The following BIK variants were observed in gnomAD, a reference collection of about 807,000 sequenced individuals.
The protein encoded by BIK is BCL2 interacting killer.
In BIK, 14 loss-of-function variants were observed where a neutral mutation model predicts 12.1. The observed-to-expected ratio is 1.16, with a 90% CI of 0.77 to 1.81. The LOEUF is 1.81. Among genes scored for constraint, BIK ranks in the 40% most tolerant of loss-of-function variants. BIK has a pLI of 0.00. For missense variants in BIK, 215 were observed against 207.9 expected, an observed-to-expected ratio of 1.03 and a Z score of -0.21; for synonymous variants, 86 against 92.3, an observed-to-expected ratio of 0.93 and a Z score of 0.39.
At chr22:43,124,955 T>C (rs189180835) in intron 2 of BIK, among the ~76,000 whole-genome samples, 3 of 152,336 alleles carry the variant, frequency 2.0e-5, no homozygotes, top group South Asian at 2.1e-4. Flanking sequence ...AATATACTTA[T>C]AGTTATTTCC....
At chr22:43,120,668 G>C (rs1292542970) in intron 1 of BIK, among the ~76,000 whole-genome samples, 1 of 152,202 alleles carries the variant, frequency 6.6e-6, no homozygotes, top group Non-Finnish European at 1.5e-5. Flanking sequence ...GGAGAGACCA[G>C]AGCAGGAGGT....
chr22:43,128,052 C>T (rs1356359404), intron 3 of BIK, among the ~76,000 whole-genome samples: 2 of 152,130 alleles, frequency 1.3e-5, no homozygotes, highest in Non-Finnish European at 2.9e-5. Context: ...TCTCTCTCGC[C>T]GTCCTCATTG....
In BIK at chr22:43,129,273, C is replaced by G. The variant is rs1250998244; in HGVS notation, c.451C>G (p.Leu151Val). 1 of 1,601,326 alleles carries G rather than the reference C, an allele frequency of 6.2e-7. No homozygotes were observed. Among genetic ancestry groups the G allele is most frequent in the Non-Finnish European group, 8.5e-7 (1 of 1,179,290 alleles). ...LLLLALLLPL[L>V]SGGLHLLLK ...GCTGCTGGCGCTGCTGCTGCCGCTG[C>G]TCAGCGGGGGCCTGCACCTGCTGCT... The change falls in exon 5 of 5, where the codon CTC becomes GTC. Residue 151 changes from leucine to valine, a missense_variant. Leu to Val is a conservative substitution (Grantham distance 32, BLOSUM62 1). Coordinates refer to ENST00000216115, the MANE Select transcript of BIK (RefSeq NM_001197.5).
chr22:43,115,841 C>T (rs902528757), intron 1 of BIK, among the ~76,000 whole-genome samples: 6 of 152,116 alleles, frequency 3.9e-5, no homozygotes, highest in African/African-American at 1.2e-4. Flanking sequence ...ACTGCAACCT[C>T]TGCCTCTCAG....
intron 1 of BIK, among the ~76,000 whole-genome samples, chr22:43,118,298 C>A (rs2147020272): frequency 6.6e-6 from 1 of 152,298 alleles, no homozygotes; most frequent in East Asian, 1.9e-4. Context: ...CTGTGAGTGG[C>A]CTCTGGTCTC....
At chr22:43,117,376 C>CT (rs563637219) in intron 1 of BIK, among the ~76,000 whole-genome samples, 1,942 of 123,364 alleles carry the variant, frequency 0.016, 36 homozygotes, top group African/African-American at 0.05. Flanking sequence ...TTTTCTTTTT[C>CT]TTTTTTTTTT....
intron 3 of BIK, among the ~76,000 whole-genome samples, chr22:43,128,046 T>C (rs1930355097): frequency 6.6e-6 from 1 of 152,078 alleles, no homozygotes; most frequent in South Asian, 2.1e-4. Flanking sequence ...CCCTTTTCTC[T>C]CTCGCCGTCC....
At chr22:43,122,493 G>A (rs1930238900) in intron 1 of BIK, among the ~76,000 whole-genome samples, 1 of 152,166 alleles carries the variant, frequency 6.6e-6, no homozygotes, top group South Asian at 2.1e-4. Flanking sequence ...AACTGCCAGA[G>A]CCGGGCTTTG....
In BIK at chr22:43,126,107, C is replaced by T. The variant is rs193074467; in HGVS notation, c.162-1590C>T. 8.7e-4 allele frequency among the ~76,000 whole-genome samples: 132 copies of T among 151,920 alleles called. 1 individual carries two copies. Among genetic ancestry groups the T allele is most frequent in the Non-Finnish European group, 1.4e-3 (98 of 67,960 alleles). ...TGGCATGATCTTGGCTCACTGCAACCTCCACCTCCCGGGTTCAAGTGATTT... is the reference window on the plus strand; with the variant it reads ...TGGCATGATCTTGGCTCACTGCAACTTCCACCTCCCGGGTTCAAGTGATTT... On this transcript the variant is annotated intron_variant, in intron 2 of 4. Coordinates refer to ENST00000216115, the MANE Select transcript of BIK (RefSeq NM_001197.5).
At chr22:43,118,082 G>A (rs543119151) in intron 1 of BIK, among the ~76,000 whole-genome samples, 4 of 152,102 alleles carry the variant, frequency 2.6e-5, no homozygotes, top group African/African-American at 4.8e-5. Flanking sequence ...TGCCCGCCTC[G>A]GCCTCCCGAA....
chr22:43,122,083 A>C (rs928127767), intron 1 of BIK, among the ~76,000 whole-genome samples: 19 of 152,338 alleles, frequency 1.2e-4, no homozygotes, highest in Admixed American at 1.1e-3. Context: ...ACTTGTGCCT[A>C]GGCCTGTGGG....
chr22:43,119,930 C>T (rs1706107428), intron 1 of BIK, among the ~76,000 whole-genome samples: 1 of 152,166 alleles, frequency 6.6e-6, no homozygotes, highest in African/African-American at 2.4e-5. Context: ...GATCAGGCCA[C>T]TGCACTCCAG....
Position 43,128,581 on chromosome 22 carries a change from G to A in BIK, c.346G>A (p.Glu116Lys), listed in dbSNP as rs185191142. Residue 116 changes from glutamate (E) to lysine (K), a missense_variant, in exon 4 of 5, where the codon GAG becomes AAG. By Grantham distance (56) the Glu-to-Lys change is moderately conservative. Coordinates refer to ENST00000216115, the MANE Select transcript of BIK (RefSeq NM_001197.5). ...CATGGACGGTTTCACCACACTTAAGGAGAACATAATGAGGTTCTGGAGATC... is the reference window on the plus strand; with the variant it reads ...CATGGACGGTTTCACCACACTTAAGAAGAACATAATGAGGTTCTGGAGATC... ...SFMDGFTTLK[E>K]NIMRFWRSPN... 1.5e-5 allele frequency: 25 copies of A among 1,614,018 alleles called. No homozygotes were observed. In the East Asian group the frequency reaches 5.1e-4, roughly 33 times the overall value.
intron 1 of BIK, among the ~76,000 whole-genome samples, chr22:43,121,034 G>A (rs1182885946): frequency 6.6e-6 from 1 of 152,186 alleles, no homozygotes; most frequent in Non-Finnish European, 1.5e-5. Flanking sequence ...AATTAGCCGG[G>A]TGTGGTGGCA....
rs62640385 is a variant in BIK, at chr22:43,129,272, G to C, written c.450G>C (p.Leu150=). The change falls in exon 5 of 5, where the codon CTG becomes CTC. Residue 150 remains leucine, a synonymous_variant. Transcript: ENST00000216115. Reference sequence around the variant, plus strand: ...TGCTGCTGGCGCTGCTGCTGCCGCTGCTCAGCGGGGGCCTGCACCTGCTGC... The same window carrying C: ...TGCTGCTGGCGCTGCTGCTGCCGCTCCTCAGCGGGGGCCTGCACCTGCTGC... ...LLLLLALLLP[L]LSGGLHLLLK is the part of the protein sequence containing the mutation. 1.2e-6 allele frequency: 2 copies of C among 1,601,776 alleles called. No individual in the cohort carries two copies. Among genetic ancestry groups the C allele is most frequent in the African/African-American group, 2.7e-5 (2 of 74,904 alleles).
intron 4 of BIK, among the ~76,000 whole-genome samples, chr22:43,128,982 G>A (rs919308403): frequency 2.0e-5 from 3 of 152,210 alleles, no homozygotes; most frequent in Admixed American, 6.5e-5. Context: ...TGTGCCCACC[G>A]GGTGTCTTTG....
At chr22:43,112,512 ACTC>A (rs1481252154) in intron 1 of BIK, among the ~76,000 whole-genome samples, 2 of 138,308 alleles carry the variant, frequency 1.4e-5, no homozygotes, top group African/African-American at 2.7e-5. Flanking sequence ...GTGTTTAAAT[ACTC>A]CTGCCTCAGC....
chr22:43,127,683 T>C lies in BIK; in HGVS notation c.162-14T>C, dbSNP rs931112131. On this transcript the variant is annotated splice_polypyrimidine_tract_variant and intron_variant, in intron 2 of 4. Transcript: ENST00000216115. ...GGCACAGCCACACCCGACTCCTGTGTGTGCTCCCTGCAGTGACGCATTGGC... is the reference window on the plus strand; with the variant it reads ...GGCACAGCCACACCCGACTCCTGTGCGTGCTCCCTGCAGTGACGCATTGGC... The C allele has an allele frequency of 9.0e-6, 14 of 1,547,376 alleles. No individual in the cohort carries two copies. In the African/African-American group the frequency reaches 1.5e-4, roughly 17 times the overall value.
chr22:43,125,975 C>T (rs781758675), intron 2 of BIK, among the ~76,000 whole-genome samples: 49 of 152,100 alleles, frequency 3.2e-4, no homozygotes, highest in South Asian at 8.3e-4. Context: ...CACACGGCAG[C>T]ATACCCAGAT....
Sources: gnomAD v4.1 joint callset for allele counts (sites outside exome capture counted in the v4.1 genomes callset) on GRCh38, gnomAD v4.1.1 for gene constraint, MANE v1.5 for transcripts, NCBI Gene and HGNC (gene_info 2026-07-23, HGNC 2026-07-21) for gene names.